The following CROCC2 variants were observed in gnomAD, a reference collection of about 807,000 sequenced individuals.
CROCC2 encodes ciliary rootlet coiled-coil, rootletin family member 2.
CROCC2 carries 163 observed loss-of-function variants against 177.6 expected under a neutral mutation model. That is an observed-to-expected ratio of 0.92 (90% CI 0.81 to 1.05). The LOEUF is 1.05. Among genes scored for constraint, CROCC2 ranks in the 50% least tolerant of loss-of-function variants. CROCC2 has a pLI of 0.00. For synonymous variants in CROCC2, 904 were observed against 787.3 expected, an observed-to-expected ratio of 1.15 and a Z score of -2.48; for missense variants, 1,929 against 1,797.8, an observed-to-expected ratio of 1.07 and a Z score of -1.32.
At chr2:240,939,461 CTTGGAATCATCAGAT>C (rs2059485490) in intron 14 of CROCC2, among the ~76,000 whole-genome samples, 2 of 146,074 alleles carry the variant, frequency 1.4e-5, no homozygotes, top group Non-Finnish European at 3.0e-5. Flanking sequence ...ATTTTCTTTC[CTTGGAATCATCAGAT>C]TTGGAATCAG....
chr2:240,916,494 C>A (rs1343779950), intron 1 of CROCC2, among the ~76,000 whole-genome samples: 2 of 100,770 alleles, frequency 2.0e-5, no homozygotes, highest in Non-Finnish European at 4.1e-5. Flanking sequence ...CCCGCGCCCC[C>A]TGCGCTCCCC....
chr2:240,983,210 C>T (rs2059813476), intron 28 of CROCC2, 181 bp downstream of exon 28: 1 of 855,702 alleles, frequency 1.2e-6, no homozygotes, highest in African/African-American at 1.7e-5. Context: ...CCCCCGCTGA[C>T]AGATGGGGAA....
At position 240,933,325 on chromosome 2, in the gene CROCC2, C is replaced by G; in HGVS notation, c.1446C>G (p.Ser482=). 6.5e-7 allele frequency: 1 copy of G among 1,527,246 alleles called. No individual in the cohort carries two copies. Among genetic ancestry groups the G allele is most frequent in the Non-Finnish European group, 8.8e-7 (1 of 1,139,356 alleles). The allele number at this position is 1,527,246 out of a possible 1,614,324, so 94.6% of individuals were successfully genotyped here. The stretch of plus-strand genomic sequence containing the variant: ...TCGAGGTGCAGCAGTGCCGGGCATC[C>G]TGCAAGCTCCTGGGGAGGTAATGGG... ...QRLEVQQCRA[S]CKLLGREKAA... The change falls in exon 10 of 32, where the codon TCC becomes TCG. Residue 482 remains serine, a synonymous_variant. Coordinates refer to ENST00000690015, the MANE Select transcript of CROCC2 (RefSeq NM_001351305.2).
At chr2:240,975,547 T>C (rs371236981) in intron 27 of CROCC2, among the ~76,000 whole-genome samples, 13 of 152,108 alleles carry the variant, frequency 8.5e-5, no homozygotes, top group African/African-American at 3.1e-4. Flanking sequence ...GGCGAGTGTT[T>C]ATGACGTGTC....
chr2:240,946,456 C>T (rs531201892), intron 15 of CROCC2, among the ~76,000 whole-genome samples: 5 of 152,316 alleles, frequency 3.3e-5, no homozygotes, highest in East Asian at 1.9e-4. Context: ...CCAGTGAAAG[C>T]GCTGGGGTCA....
At chr2:240,933,030 T>C (rs1574758753) in intron 9 of CROCC2, 101 bp from the exon 10 acceptor site, 1 of 1,486,072 alleles carries the variant, frequency 6.7e-7, no homozygotes, top group Non-Finnish European at 9.1e-7. Flanking sequence ...GGGGCCCCAG[T>C]GTCGGGGGTG....
rs1037712462 is a variant in CROCC2, at chr2:240,983,224, G to A, written c.4551+195G>A. 7.3e-5 allele frequency: 63 copies of A among 863,276 alleles called. No individual in the cohort carries two copies. The Admixed American group carries it at 1.8e-3, about 25-fold the overall frequency. 53.5% of individuals were successfully genotyped at this position (863,276 alleles called of 1,614,324 possible). On this transcript the variant is annotated intron_variant, in intron 28 of 31. Transcript: ENST00000690015. ...TCCCCCGCTGACAGATGGGGAAACT[G>A]AGCCTGGAGGGGCCCACAGGGAGTC...
rs1307322961 is a variant in CROCC2, at chr2:240,918,770, C to A, written c.123C>A (p.Asp41Glu). 2 of 587,246 alleles carry A rather than the reference C, an allele frequency of 3.4e-6. No individual in the cohort carries two copies. Among genetic ancestry groups the A allele is most frequent in the Admixed American group, 6.4e-5 (2 of 31,188 alleles). 36.4% of individuals were successfully genotyped at this position (587,246 alleles called of 1,614,324 possible). A position where few individuals can be genotyped will look rare whatever the true frequency, so the allele number is the denominator to read the frequency against. The change falls in exon 2 of 32, where the codon GAC (aspartate) becomes GAA (glutamate). Residue 41 changes from aspartate to glutamate, a missense_variant. Physicochemically the swap from Asp to Glu is conservative, Grantham distance 45. Around this residue, in one of 3 missense-constraint regions of CROCC2, gnomAD observed 1,397 missense variants for 1,239.9 expected, o/e 1.13. Transcript: ENST00000690015. This position sits in a 1 kb window ranked among gnomAD's most constrained non-coding sequence, Gnocchi z 6.3. The stretch of plus-strand genomic sequence containing the variant: ...TGAGTCCCACAGCCAGCAGGGAAGA[C>A]CGGGCGCTGACCGTGCGTGGGGAAG... Reference protein sequence around the residue: ...TILSPTASREDRALTVRGEGR... With the variant: ...TILSPTASREERALTVRGEGR...
At chr2:240,907,529 G>A (rs917286716) in intron 1 of CROCC2, among the ~76,000 whole-genome samples, 1 of 152,144 alleles carries the variant, frequency 6.6e-6, no homozygotes, top group South Asian at 2.1e-4. Context: ...GGCTGACATG[G>A]CCCTATCCAA....
chr2:240,974,837 T>C (rs1157538142), intron 27 of CROCC2, among the ~76,000 whole-genome samples: 1 of 152,332 alleles, frequency 6.6e-6, no homozygotes, highest in Non-Finnish European at 1.5e-5. Flanking sequence ...TTTTCCTTTT[T>C]ACCAGTTTTC....
chr2:240,990,354 A>T (rs1209995767), intron 30 of CROCC2, among the ~76,000 whole-genome samples: 2 of 152,210 alleles, frequency 1.3e-5, no homozygotes, highest in African/African-American at 2.4e-5. Context: ...ATGCATATGT[A>T]CACGTGACAG....
intron 27 of CROCC2, among the ~76,000 whole-genome samples, chr2:240,971,779 A>T (rs2059722587): frequency 6.6e-6 from 1 of 151,796 alleles, no homozygotes; most frequent in African/African-American, 2.4e-5. Flanking sequence ...CCCAATACTG[A>T]TCCCCTGGAC....
intron 28 of CROCC2, among the ~76,000 whole-genome samples, chr2:240,987,970 CTG>C (rs1468774455): frequency 6.6e-6 from 1 of 152,242 alleles, no homozygotes; most frequent in Non-Finnish European, 1.5e-5. Context: ...AGCAGGCTGT[CTG>C]GGGCTGGTGG....
intron 3 of CROCC2, among the ~76,000 whole-genome samples, chr2:240,921,733 G>A (rs769900746): frequency 2.0e-5 from 3 of 152,188 alleles, no homozygotes; most frequent in Non-Finnish European, 1.5e-5. Context: ...GACCCCGCCC[G>A]GCTCCTCCAG....
Position 240,946,270 on chromosome 2 carries a change from C to A in CROCC2, c.2363+17C>A. On this transcript the variant is annotated intron_variant, in intron 15 of 31. Transcript: ENST00000690015. Reference sequence around the variant, plus strand: ...TGATCTCAGGTATGCAAGGGCCTGCCAGTCAGGGCATGTCCCACGTGTCCT... The same window carrying A: ...TGATCTCAGGTATGCAAGGGCCTGCAAGTCAGGGCATGTCCCACGTGTCCT... 1 of 1,514,368 alleles carries A rather than the reference C, an allele frequency of 6.6e-7. No individual in the cohort carries two copies. The highest frequency in any genetic ancestry group is 1.2e-5 in the South Asian group (1 of 80,906). The allele number at this position is 1,514,368 out of a possible 1,614,324, so 93.8% of individuals were successfully genotyped here. A position where few individuals can be genotyped will look rare whatever the true frequency, so the allele number is the denominator to read the frequency against.
intron 18 of CROCC2, chr2:240,950,859 CCA>C: frequency 8.0e-6 from 2 of 250,330 alleles, no homozygotes; most frequent in East Asian, 8.5e-5. Flanking sequence ...ACCCATTCAC[CCA>C]TCCATCTGTC....
chr2:240,922,774 T>C (rs968194607), intron 4 of CROCC2, 129 bp downstream of exon 4: 10 of 476,154 alleles, frequency 2.1e-5, no homozygotes, highest in African/African-American at 6.1e-5. Context: ...AGTTTCCCTG[T>C]GGGAGCCAAC....
intron 15 of CROCC2, among the ~76,000 whole-genome samples, chr2:240,948,595 T>C (rs946439107): frequency 6.6e-6 from 1 of 152,204 alleles, no homozygotes; most frequent in Non-Finnish European, 1.5e-5. Flanking sequence ...GTTAGAAATG[T>C]GAGGTCTTTT....
chr2:240,919,559 C>T (rs928968397), intron 2 of CROCC2, among the ~76,000 whole-genome samples: 2 of 152,164 alleles, frequency 1.3e-5, no homozygotes, highest in African/African-American at 4.8e-5. Context: ...GTCCAGCCTC[C>T]TGCAGGCCCG....
Sources: allele counts gnomAD v4.1 joint callset (sites outside exome capture counted in the v4.1 genomes callset), GRCh38; gene constraint gnomAD v4.1.1; regional missense constraint gnomAD v4.1.1; non-coding constraint Gnocchi (gnomAD v3.1); transcripts MANE v1.5; gene names NCBI Gene and HGNC (gene_info 2026-07-23, HGNC 2026-07-21).